The following TSPAN14 variants were observed in gnomAD, a reference collection of about 807,000 sequenced individuals.
TSPAN14 encodes tetraspanin-14.
TSPAN14 carries 16 observed loss-of-function variants against 36.6 expected under a neutral mutation model. The ratio of observed to expected loss-of-function variants is 0.44; its 90% CI spans 0.30 to 0.66. The LOEUF (loss-of-function observed/expected upper bound fraction) is 0.66, where lower values mean the gene tolerates loss of function less well. Ranked by LOEUF, TSPAN14 falls within the 30% of genes least tolerant of loss-of-function variation. TSPAN14 has a pLI of 0.12. For missense variants in TSPAN14, 231 were observed against 355.1 expected, an observed-to-expected ratio of 0.65 and a Z score of 2.81; for synonymous variants, 139 against 143.8, an observed-to-expected ratio of 0.97 and a Z score of 0.24.
chr10:80,485,306 G>A (rs74143145), intron 1 of TSPAN14, among the ~76,000 whole-genome samples: 2,472 of 152,252 alleles, frequency 0.016, 59 homozygotes, highest in African/African-American at 0.054. Flanking sequence ...AGCAAATGAG[G>A]TGAGATGCTA....
At chr10:80,516,122 C>T (rs1840924664) in intron 7 of TSPAN14, 82 bp from the exon 8 acceptor site, 1 of 1,602,340 alleles carries the variant, frequency 6.2e-7, no homozygotes, top group Admixed American at 1.7e-5. Context: ...CTTTGCCCTG[C>T]TCCTTACCAG....
intron 2 of TSPAN14, among the ~76,000 whole-genome samples, chr10:80,501,673 G>T (rs574017222): frequency 1.3e-5 from 2 of 152,340 alleles, no homozygotes; most frequent in East Asian, 3.9e-4. Context: ...CTCTGGGCTT[G>T]TTCTGCTCTG....
At chr10:80,482,173 A>G (rs1421557306) in intron 1 of TSPAN14, among the ~76,000 whole-genome samples, 3 of 152,224 alleles carry the variant, frequency 2.0e-5, no homozygotes, top group Non-Finnish European at 4.4e-5. Flanking sequence ...TTTTCTCAAC[A>G]TGGTTTTTAC....
chr10:80,509,436 G>A lies in TSPAN14; in HGVS notation c.415G>A (p.Asp139Asn). 6.2e-7 allele frequency: 1 copy of A among 1,614,028 alleles called. No individual in the cohort carries two copies. Among genetic ancestry groups the A allele is most frequent in the Non-Finnish European group, 8.5e-7 (1 of 1,180,014 alleles). The change falls in exon 5 of 9, where the codon GAT becomes AAT. Residue 139 changes from aspartate (D) to asparagine (N), a missense_variant. Asp to Asn is a conservative substitution (Grantham distance 23). Coordinates refer to ENST00000429989, the Ensembl canonical transcript of TSPAN14. The surrounding 1 kb of genome is among the most constrained non-coding windows in gnomAD (Gnocchi z 4.7). ...CATCAAGTCCTACCGGGACGATATC[G>A]ATCTGCAAAACCTCATCGACTCCCT...
At chr10:80,506,445 C>G (rs1840306261) in intron 3 of TSPAN14, among the ~76,000 whole-genome samples, 1 of 152,186 alleles carries the variant, frequency 6.6e-6, no homozygotes, top group South Asian at 2.1e-4. Flanking sequence ...TAAACTATAA[C>G]AGAGATCAGT....
At position 80,483,911 on chromosome 10, in the gene TSPAN14, CAAAAAAAAAAAAAAAAAAAA is replaced by C. The variant is rs57795678; in HGVS notation, c.-17-5285_-17-5266del. Among the ~76,000 whole-genome samples, 23 of 16,548 alleles carry C rather than the reference CAAAAAAAAAAAAAAAAAAAA, an allele frequency of 1.4e-3. No individual in the cohort carries two copies. The East Asian group carries it at 0.017, about 12-fold the overall frequency. The allele number at this position is 16,548 out of a possible 152,430, so 10.9% of individuals were successfully genotyped here. On this transcript the variant is annotated intron_variant, in intron 1 of 8. Coordinates refer to ENST00000429989, the Ensembl canonical transcript of TSPAN14. ...GGCAACAAGAGCAAAACTCTTGTCTCAAAAAAAAAAAAAAAAAAAAAAAAAAAAAAAAAAAAAAAAGTGTA... is the reference window on the plus strand; with the variant it reads ...GGCAACAAGAGCAAAACTCTTGTCTCAAAAAAAAAAAAAAAAAAAAGTGTA...
chr10:80,492,927 G>A (rs896345374), intron 2 of TSPAN14, among the ~76,000 whole-genome samples: 1 of 152,062 alleles, frequency 6.6e-6, no homozygotes, highest in Non-Finnish European at 1.5e-5. Context: ...AGGTTTTCCC[G>A]GGATTGTTAA....
chr10:80,504,467 A>G (rs920771561), intron 2 of TSPAN14, among the ~76,000 whole-genome samples: 14 of 152,246 alleles, frequency 9.2e-5, no homozygotes, highest in Non-Finnish European at 2.9e-5. Context: ...TGTGACCCAT[A>G]GTCTCTCCAG....
intron 1 of TSPAN14, among the ~76,000 whole-genome samples, chr10:80,482,257 G>A (rs1325383760): frequency 2.6e-5 from 4 of 152,138 alleles, no homozygotes; most frequent in African/African-American, 4.8e-5. Context: ...TACAATGCAC[G>A]GCATGTGATA....
At chr10:80,466,795 C>T (rs116248631) in intron 1 of TSPAN14, among the ~76,000 whole-genome samples, 2,488 of 152,074 alleles carry the variant, frequency 0.016, 60 homozygotes, top group African/African-American at 0.057. Context: ...CGTTGGATTA[C>T]GGTTTTGTTT....
intron 3 of TSPAN14, among the ~76,000 whole-genome samples, chr10:80,506,204 C>T (rs1264378973): frequency 1.3e-5 from 2 of 152,202 alleles, no homozygotes; most frequent in Non-Finnish European, 2.9e-5. Context: ...AGCTCCTGGC[C>T]TCAAGTGATC....
intron 2 of TSPAN14, among the ~76,000 whole-genome samples, chr10:80,501,904 G>A (rs1002675517): frequency 2.2e-5 from 3 of 135,280 alleles, no homozygotes; most frequent in African/African-American, 1.2e-4. Context: ...CCTCCTCGTT[G>A]TTGGGCTGCA....
chr10:80,507,467 CA>C (rs1397258542), intron 4 of TSPAN14, 93 bp downstream of exon 4: 8 of 1,560,516 alleles, frequency 5.1e-6, no homozygotes, highest in Admixed American at 3.5e-5. Flanking sequence ...GAGCAGGTGG[CA>C]GCTCTTAGGA....
At chr10:80,508,518 G>T (rs1011614718) in intron 4 of TSPAN14, among the ~76,000 whole-genome samples, 2 of 152,182 alleles carry the variant, frequency 1.3e-5, no homozygotes. Flanking sequence ...CTGTGAGAGC[G>T]CAGACTGCAG....
chr10:80,505,066 C>T (rs886716677), intron 3 of TSPAN14, among the ~76,000 whole-genome samples: 3 of 152,212 alleles, frequency 2.0e-5, no homozygotes, highest in African/African-American at 4.8e-5. Context: ...AATCCAGCTT[C>T]CTGACCCTGT....
chr10:80,494,638 T>C (rs1343530559), intron 2 of TSPAN14, among the ~76,000 whole-genome samples: 1 of 152,202 alleles, frequency 6.6e-6, no homozygotes, highest in East Asian at 1.9e-4. Context: ...TTCTGACTGA[T>C]GGAAAATTGC....
chr10:80,496,054 T>C (rs1001198999), intron 2 of TSPAN14, among the ~76,000 whole-genome samples: 13 of 152,322 alleles, frequency 8.5e-5, no homozygotes, highest in African/African-American at 3.1e-4. Context: ...TTAATTACTT[T>C]TTAAAAATCT....
At chr10:80,486,071 A>G (rs1847579109) in intron 1 of TSPAN14, among the ~76,000 whole-genome samples, 1 of 152,092 alleles carries the variant, frequency 6.6e-6, no homozygotes, top group African/African-American at 2.4e-5. Context: ...TGATGTTACC[A>G]GGGGGGAAGT....
intron 1 of TSPAN14, among the ~76,000 whole-genome samples, chr10:80,460,762 GTCCTTGTT>G (rs1052702601): frequency 2.0e-5 from 3 of 152,110 alleles, no homozygotes; most frequent in Non-Finnish European, 1.5e-5. Context: ...ATGGACCTGG[GTCCTTGTT>G]TCCCTACAGC....
Sources: allele counts gnomAD v4.1 joint callset (sites outside exome capture counted in the v4.1 genomes callset), GRCh38; gene constraint gnomAD v4.1.1; non-coding constraint Gnocchi (gnomAD v3.1); transcripts MANE v1.5; gene names NCBI Gene and HGNC (gene_info 2026-07-23, HGNC 2026-07-21).